The following ENOX2 variants were observed in gnomAD, a reference collection of about 807,000 sequenced individuals.
ENOX2 encodes the protein ecto-NOX disulfide-thiol exchanger 2, also known as APK1 antigen.
A neutral mutation model predicts 45.0 loss-of-function variants in ENOX2; 36 were observed. The ratio of observed to expected loss-of-function variants is 0.80; its 90% confidence interval spans 0.61 to 1.06. The LOEUF (loss-of-function observed/expected upper bound fraction) is 1.06, where lower values mean the gene tolerates loss of function less well. Ranked by LOEUF, ENOX2 falls within the 50% of genes least tolerant of loss-of-function variation. The pLI is 0.00. For synonymous variants in ENOX2, 174 were observed against 152.3 expected (o/e 1.14, Z -1.05); for missense variants, 423 against 462.5 (o/e 0.91, Z 0.78).
chrX:130,882,970 T>A (rs182521749), intron 2 of ENOX2, among the ~76,000 whole-genome samples: 7 of 112,582 alleles, frequency 6.2e-5, no homozygotes, highest in Admixed American at 2.8e-4. Flanking sequence ...TATCTGTTTT[T>A]CTAACCTGAA....
chrX:130,873,133 T>C (rs1448159876), intron 2 of ENOX2, among the ~76,000 whole-genome samples: 1 of 111,591 alleles, frequency 9.0e-6, no homozygotes, highest in East Asian at 2.8e-4. Flanking sequence ...GAGAAAATTT[T>C]TGCAATCTAT....
chrX:130,735,371 G>A (rs2038835935), intron 3 of ENOX2, among the ~76,000 whole-genome samples: 1 of 112,158 alleles, frequency 8.9e-6, no homozygotes, highest in Non-Finnish European at 1.9e-5. Flanking sequence ...GTGACTAGAA[G>A]CTTTCACAAA....
At chrX:130,632,239 G>T (rs12392270) in intron 12 of ENOX2, among the ~76,000 whole-genome samples, 1 of 109,523 alleles carries the variant, frequency 9.1e-6, no homozygotes, top group African/African-American at 3.3e-5. Flanking sequence ...TCTCTCTGAT[G>T]AGGACATTAT....
intron 3 of ENOX2, among the ~76,000 whole-genome samples, chrX:130,772,067 A>G (rs1021106379): frequency 6.2e-5 from 7 of 112,552 alleles, no homozygotes; most frequent in South Asian, 3.7e-4. Context: ...ACTTCTGGGC[A>G]GTCTGAGCTG....
intron 2 of ENOX2, among the ~76,000 whole-genome samples, chrX:130,882,416 T>C (rs1360015621): frequency 1.8e-5 from 2 of 109,583 alleles, no homozygotes; most frequent in Non-Finnish European, 3.8e-5. Context: ...AGGAAGAACA[T>C]TCTAACAGTT....
chrX:130,867,323 G>T (rs1179002869), intron 2 of ENOX2, among the ~76,000 whole-genome samples: 2 of 111,676 alleles, frequency 1.8e-5, no homozygotes, highest in Admixed American at 1.9e-4. Context: ...TCAGATAATT[G>T]TAGATATTAT....
At chrX:130,795,310 C>T (rs748936269) in intron 2 of ENOX2, among the ~76,000 whole-genome samples, 178 of 111,580 alleles carry the variant, frequency 1.6e-3, no homozygotes, top group African/African-American at 5.5e-3. Context: ...CTAGGAAAAC[C>T]AGAATCTGCT....
At chrX:130,832,739 C>T (rs1163407305) in intron 2 of ENOX2, among the ~76,000 whole-genome samples, 1 of 110,628 alleles carries the variant, frequency 9.0e-6, no homozygotes, top group Non-Finnish European at 1.9e-5. Context: ...TGATATTTTA[C>T]TTCCTGGCTT....
In ENOX2 at chrX:130,642,849, C is replaced by T. The variant is rs191824627; in HGVS notation, c.1130-5439G>A. ...TTTTAGGCATTTGCTTAAAAGACTA[C>T]AGTATAATGTAGACTTAACTTTTAT... is the stretch of plus-strand genomic sequence containing the variant. On this transcript the variant is annotated intron_variant, in intron 10 of 14. Transcript: ENST00000394363. Among the ~76,000 whole-genome samples, 434 of 112,328 alleles carry T rather than the reference C, an allele frequency of 3.9e-3. 1 individual carries two copies. The highest frequency in any genetic ancestry group is 0.014 in the African/African-American group (422 of 30,999).
intron 2 of ENOX2, among the ~76,000 whole-genome samples, chrX:130,896,623 G>A (rs1407393359): frequency 8.9e-6 from 1 of 111,907 alleles, no homozygotes. Context: ...TTCATCGAAT[G>A]AAGTGAAACC....
chrX:130,774,949 T>C (rs1190371153), intron 3 of ENOX2, among the ~76,000 whole-genome samples: 1 of 112,106 alleles, frequency 8.9e-6, no homozygotes, highest in South Asian at 3.7e-4. Context: ...ACAGTGATAT[T>C]GGGGATTGTA....
At chrX:130,812,794 C>A (rs1021305113) in intron 2 of ENOX2, among the ~76,000 whole-genome samples, 1 of 111,454 alleles carries the variant, frequency 9.0e-6, no homozygotes, top group Non-Finnish European at 1.9e-5. Flanking sequence ...TTACAAAAAT[C>A]GAAAAATCAA....
At chrX:130,848,319 A>AG (rs1050108679) in intron 2 of ENOX2, among the ~76,000 whole-genome samples, 3 of 111,603 alleles carry the variant, frequency 2.7e-5, no homozygotes, top group Non-Finnish European at 3.8e-5. Flanking sequence ...GTCATCTATG[A>AG]GGGAAAAAAA....
At chrX:130,726,862 A>G (rs2038618352) in intron 3 of ENOX2, among the ~76,000 whole-genome samples, 1 of 112,395 alleles carries the variant, frequency 8.9e-6, no homozygotes, top group Admixed American at 9.4e-5. Flanking sequence ...ATCTTTTGTC[A>G]TAAGTGAGAA....
At chrX:130,901,537 G>A (rs1185239291) in intron 2 of ENOX2, 147 bp downstream of exon 2, 1 of 112,108 alleles carries the variant, frequency 8.9e-6, no homozygotes, top group Non-Finnish European at 1.9e-5. Flanking sequence ...GTGATGCACG[G>A]GGACAGCAAA....
chrX:130,831,151 T>C (rs1361291313), intron 2 of ENOX2, among the ~76,000 whole-genome samples: 1 of 110,603 alleles, frequency 9.0e-6, no homozygotes, highest in Non-Finnish European at 1.9e-5. Flanking sequence ...ACTAACTCAT[T>C]CATGAGGACA....
intron 3 of ENOX2, among the ~76,000 whole-genome samples, chrX:130,735,289 A>G (rs373181264): frequency 8.9e-6 from 1 of 112,244 alleles, no homozygotes; most frequent in East Asian, 2.8e-4. Context: ...TTTTAAATAG[A>G]GCCTTCCAGT....
At chrX:130,796,602 C>T (rs2077132700) in intron 2 of ENOX2, among the ~76,000 whole-genome samples, 1 of 111,954 alleles carries the variant, frequency 8.9e-6, no homozygotes, top group African/African-American at 3.2e-5. Flanking sequence ...CATAATAGGT[C>T]TCAGACTTGG....
intron 1 of ENOX2, among the ~76,000 whole-genome samples, chrX:130,902,439 C>T (rs1221203315): frequency 1.4e-4 from 15 of 110,468 alleles, no homozygotes; most frequent in South Asian, 3.9e-4. Context: ...TGAGGGGAAA[C>T]TCTCCCCACT....
Sources: gnomAD v4.1 joint callset for allele counts (sites outside exome capture counted in the v4.1 genomes callset) on GRCh38, gnomAD v4.1.1 for gene constraint, MANE v1.5 for transcripts, NCBI Gene and HGNC (gene_info 2026-07-23, HGNC 2026-07-21) for gene names.